Variants in ZNF251 observed in about 807,000 individuals in gnomAD.
ZNF251 encodes the protein zinc finger protein 251.
In ZNF251, 14 loss-of-function variants were observed where a neutral mutation model predicts 13.5. That is an observed-to-expected ratio of 1.04 (90% confidence interval 0.69 to 1.63). The LOEUF (loss-of-function observed/expected upper bound fraction) is 1.63. Among genes scored for constraint, ZNF251 ranks in the 40% most tolerant of loss-of-function variants. The probability of loss-of-function intolerance (pLI) is 0.00; values close to 1 mark genes in which losing one functional copy is unlikely to be tolerated. For synonymous variants in ZNF251, 287 were observed against 295.2 expected, an observed-to-expected ratio of 0.97 and a Z score of 0.28; for missense variants, 764 against 834.9, an observed-to-expected ratio of 0.92 and a Z score of 1.05.
chr8:144,729,335 ATTTTTT>A (rs142840972), intron 4 of ZNF251, among the ~76,000 whole-genome samples: 39,431 of 140,702 alleles, frequency 0.28, 6,350 homozygotes, highest in South Asian at 0.48. Context: ...ATTTATTTTT[ATTTTTT>A]TTTTTTTTTT....
intron 4 of ZNF251, among the ~76,000 whole-genome samples, chr8:144,752,925 C>G (rs1222591954): frequency 6.6e-6 from 1 of 151,960 alleles, no homozygotes; most frequent in African/African-American, 2.4e-5. Flanking sequence ...AAAGATAATA[C>G]TTACAGCTGA....
rs184372558 is a variant in ZNF251, at chr8:144,740,435, G to C, written c.277+13248C>G. ...GTGGATCACCTGAGGTCAGGAGTTC[G>C]AGACCACCCTGGCCAACATGGTGAA... is the stretch of plus-strand genomic sequence containing the variant. On this transcript the variant is annotated intron_variant, in intron 4 of 4. Coordinates refer to ENST00000292562, the MANE Select transcript of ZNF251 (RefSeq NM_138367.2). 2.4e-3 allele frequency among the ~76,000 whole-genome samples: 362 copies of C among 152,070 alleles called. 3 individuals carry two copies. Among genetic ancestry groups the C allele is most frequent in the African/African-American group, 7.7e-3 (321 of 41,474 alleles).
Position 144,722,962 on chromosome 8 carries a change from C to A in ZNF251, c.698G>T (p.Gly233Val). 6.2e-7 allele frequency: 1 copy of A among 1,613,898 alleles called. No homozygotes were observed. The highest frequency in any genetic ancestry group is 8.5e-7 in the Non-Finnish European group (1 of 1,179,804). The change falls in exon 5 of 5, where the codon GGG becomes GTG. Residue 233 changes from glycine to valine, a missense_variant. By Grantham distance (109) the Gly-to-Val change is moderately radical (BLOSUM62 -3). Transcript: ENST00000292562. The surrounding 1 kb of genome is among the most constrained non-coding windows in gnomAD (Gnocchi z 4.8). ...CCGGCCACATTCGTACGGCTTCTCC[C>A]CAGTGTGACTTCTCTGGTGTCTACT... ...DLSRHQRSHTGEKPYECGRCG... is the reference protein window; with the variant it reads ...DLSRHQRSHTVEKPYECGRCG...
rs60644101 is a variant in ZNF251 at position 144,751,798 on chromosome 8, T to C, written c.277+1885A>G. On this transcript the variant is annotated intron_variant, in intron 4 of 4. Coordinates refer to ENST00000292562, the MANE Select transcript of ZNF251 (RefSeq NM_138367.2). ...GTTAGGATGAAGAAACAAGACCCAA[T>C]TGTATGATATCTGCAAGAGATTCAC... is the stretch of plus-strand genomic sequence containing the variant. 9.9e-3 allele frequency among the ~76,000 whole-genome samples: 1,504 copies of C among 152,204 alleles called. 25 individuals carry two copies. Among genetic ancestry groups the C allele is most frequent in the African/African-American group, 0.032 (1,334 of 41,540 alleles).
intron 4 of ZNF251, among the ~76,000 whole-genome samples, chr8:144,724,401 G>GT (rs1823461285): frequency 6.6e-6 from 1 of 151,698 alleles, no homozygotes; most frequent in South Asian, 2.1e-4. Flanking sequence ...TGCAACCACA[G>GT]TTCACAGCAG....
Position 144,722,605 on chromosome 8 carries a change from C to A in ZNF251, c.1055G>T (p.Ser352Ile). ...IHTGEKPHEC[S>I]HCGKAFSRSS... is the part of the protein sequence containing the mutation. ...TCGACTGAAGGCCTTCCCACAGTGA[C>A]TGCATTCATGCGGCTTCTCTCCAGT... is the stretch of plus-strand genomic sequence containing the variant. The change falls in exon 5 of 5, where the codon AGT becomes ATT. Residue 352 changes from serine (S) to isoleucine (I), a missense_variant. Coordinates refer to ENST00000292562, the MANE Select transcript of ZNF251 (RefSeq NM_138367.2). The surrounding 1 kb of genome is among the most constrained non-coding windows in gnomAD (Gnocchi z 4.8). 6.2e-7 allele frequency: 1 copy of A among 1,613,970 alleles called. No homozygotes were observed. The highest frequency in any genetic ancestry group is 8.5e-7 in the Non-Finnish European group (1 of 1,179,988).
At chr8:144,750,340 CAGTCTTGCTG>C (rs956104201) in intron 4 of ZNF251, among the ~76,000 whole-genome samples, 1 of 152,164 alleles carries the variant, frequency 6.6e-6, no homozygotes, top group Admixed American at 6.5e-5. Context: ...GAGCAGGGCT[CAGTCTTGCTG>C]AGCTTGTGTC....
Position 144,754,750 on chromosome 8 carries a change from G to A in ZNF251, c.-22C>T. On this transcript the variant is annotated 5_prime_UTR_variant, in exon 2 of 5. Coordinates refer to ENST00000292562, the MANE Select transcript of ZNF251 (RefSeq NM_138367.2). The stretch of plus-strand genomic sequence containing the variant: ...CCATTCTGTGTGCATGGGCTGCTGT[G>A]GTTTCCAAGAGAAGACAGGAGACTG... 1 of 1,611,230 alleles carries A rather than the reference G, an allele frequency of 6.2e-7. No homozygotes were observed. Among genetic ancestry groups the A allele is most frequent in the Non-Finnish European group, 8.5e-7 (1 of 1,178,778 alleles).
intron 4 of ZNF251, among the ~76,000 whole-genome samples, chr8:144,738,293 A>C (rs1402548727): frequency 6.6e-6 from 1 of 152,156 alleles, no homozygotes; most frequent in Non-Finnish European, 1.5e-5. Flanking sequence ...AGCCCCAAAG[A>C]GCAGCTCAAT....
At chr8:144,754,966 C>T (rs1586715097) in intron 1 of ZNF251, 163 bp from the exon 2 acceptor site, 1 of 1,400,344 alleles carries the variant, frequency 7.1e-7, no homozygotes, top group East Asian at 2.7e-5. Flanking sequence ...CCTGAAATCC[C>T]AGAACGGCCA....
Position 144,723,128 on chromosome 8 carries a change from C to T in ZNF251, c.532G>A (p.Glu178Lys), listed in dbSNP as rs772027753. Residue 178 changes from glutamate to lysine, a missense_variant, in exon 5 of 5, where the codon GAA (glutamate) becomes AAA (lysine). Glu to Lys is a moderately conservative substitution (Grantham distance 56). Transcript: ENST00000292562. Reference sequence around the variant, plus strand: ...AATGCACTACACTCTTGGGTTCTTTCTCCCAAAGATCTTTCCCTGCCCACG... The same window carrying T: ...AATGCACTACACTCTTGGGTTCTTTTTCCCAAAGATCTTTCCCTGCCCACG... ...ATVGRERSLG[E>K]RTQECSAFDR... 4.2e-5 allele frequency: 67 copies of T among 1,613,618 alleles called. No homozygotes were observed. The highest frequency in any genetic ancestry group is 5.2e-5 in the Non-Finnish European group (61 of 1,179,760).
At chr8:144,742,649 C>T (rs116192262) in intron 4 of ZNF251, among the ~76,000 whole-genome samples, 410 of 152,224 alleles carry the variant, frequency 2.7e-3, no homozygotes, top group African/African-American at 8.3e-3. Context: ...CTAGTGTCAC[C>T]GCCCTAAAAA....
rs770055845 is a variant in ZNF251 at position 144,722,573 on chromosome 8, T to C, written c.1087A>G (p.Ser363Gly). 1 of 1,613,856 alleles carries C rather than the reference T, an allele frequency of 6.2e-7. No homozygotes were observed. Among genetic ancestry groups the C allele is most frequent in the Non-Finnish European group, 8.5e-7 (1 of 1,179,940 alleles). ...TGAATTCTCTCATGCTGAATAAGGC[T>C]GGAGCTTCGACTGAAGGCCTTCCCA... ...HCGKAFSRSS[S>G]LIQHERIHTG... Residue 363 changes from serine to glycine, a missense_variant, in exon 5 of 5, where the codon AGC becomes GGC. Coordinates refer to ENST00000292562, the MANE Select transcript of ZNF251 (RefSeq NM_138367.2). The surrounding 1 kb of genome is among the most constrained non-coding windows in gnomAD (Gnocchi z 4.8).
Position 144,748,558 on chromosome 8 carries a change from C to T in ZNF251, c.277+5125G>A, listed in dbSNP as rs570763558. On this transcript the variant is annotated intron_variant, in intron 4 of 4. Transcript: ENST00000292562. ...TTCATGGCAAGATCTTGTCATGAGACAGCAGGTTTCTTTTTTCTTTGCAAT... is the reference window on the plus strand; with the variant it reads ...TTCATGGCAAGATCTTGTCATGAGATAGCAGGTTTCTTTTTTCTTTGCAAT... 4.6e-5 allele frequency among the ~76,000 whole-genome samples: 7 copies of T among 151,782 alleles called. No homozygotes were observed. In the South Asian group the frequency reaches 1.5e-3, roughly 32 times the overall value.
In ZNF251 at chr8:144,722,547, G is replaced by A. The variant is rs952032301; in HGVS notation, c.1113C>T (p.His371=). ...TGCATTTATGGGGCTTCTCTCCAGT[G>A]TGAATTCTCTCATGCTGAATAAGGC... The part of the protein sequence containing the change: ...SSSLIQHERI[H]TGEKPHKCNQ... Residue 371 remains histidine, a synonymous_variant, in exon 5 of 5, where the codon CAC becomes CAT. Transcript: ENST00000292562. The surrounding 1 kb of genome is among the most constrained non-coding windows in gnomAD (Gnocchi z 4.8). 5.6e-6 allele frequency: 9 copies of A among 1,614,146 alleles called. No individual in the cohort carries two copies. The African/African-American group carries it at 9.3e-5, about 17-fold the overall frequency.
At chr8:144,753,465 G>A (rs1211097701) in intron 4 of ZNF251, 2 of 498,416 alleles carry the variant, frequency 4.0e-6, no homozygotes, top group Non-Finnish European at 7.0e-6. Context: ...ATGATCAGAA[G>A]TAGTATATAT....
Position 144,755,501 on chromosome 8 carries a change from A to G in ZNF251, c.-172T>C. On this transcript the variant is annotated 5_prime_UTR_variant, in exon 1 of 5. Transcript: ENST00000292562. ...GACCCTCCCACAGAACCGGGTCCAGAGCCGGGGAGGGGGCGGGCTAGGATG... is the reference window on the plus strand; with the variant it reads ...GACCCTCCCACAGAACCGGGTCCAGGGCCGGGGAGGGGGCGGGCTAGGATG... 7.8e-7 allele frequency: 1 copy of G among 1,286,498 alleles called. No individual in the cohort carries two copies. The highest frequency in any genetic ancestry group is 1.0e-6 in the Non-Finnish European group (1 of 988,440). The allele number at this position is 1,286,498 out of a possible 1,614,324, so 79.7% of individuals were successfully genotyped here.
intron 4 of ZNF251, among the ~76,000 whole-genome samples, chr8:144,732,468 C>T (rs560951559): frequency 1.3e-5 from 2 of 152,264 alleles, no homozygotes; most frequent in East Asian, 1.9e-4. Context: ...TAATTCAAAA[C>T]CTATGCACGA....
At chr8:144,726,895 A>G (rs535976207) in intron 4 of ZNF251, among the ~76,000 whole-genome samples, 31 of 152,090 alleles carry the variant, frequency 2.0e-4, no homozygotes, top group Admixed American at 5.2e-4. Flanking sequence ...AGAAAAGAAA[A>G]AAAGAAAACT....
Sources: allele counts gnomAD v4.1 joint callset (sites outside exome capture counted in the v4.1 genomes callset), GRCh38; gene constraint gnomAD v4.1.1; non-coding constraint Gnocchi (gnomAD v3.1); transcripts MANE v1.5; gene names NCBI Gene and HGNC (gene_info 2026-07-23, HGNC 2026-07-21).